Variants in VPS13B observed in about 807,000 individuals in gnomAD.
The protein encoded by VPS13B is intermembrane lipid transfer protein VPS13B.
Under a neutral mutation model 426.4 loss-of-function variants are expected in VPS13B, and 285 were observed. That is an observed-to-expected ratio of 0.67 (90% CI 0.61 to 0.74). The LOEUF (loss-of-function observed/expected upper bound fraction) is 0.74. Among genes scored for constraint, VPS13B ranks in the 30% least tolerant of loss-of-function variants. VPS13B has a pLI of 0.00. For missense variants in VPS13B, 4,537 were observed against 4,782.6 expected (o/e 0.95, Z 1.51); for synonymous variants, 1,676 against 1,676.4 (o/e 1.00, Z 0.01).
At chr8:99,832,277 G>C in intron 51 of VPS13B, 92 bp from the exon 52 acceptor site, 3 of 1,398,956 alleles carry the variant, frequency 2.1e-6, no homozygotes, top group Non-Finnish European at 2.8e-6. Flanking sequence ...AAAAAGAAAA[G>C]AAAAGAAGAT....
At chr8:99,678,410 G>C (rs1201764414) in intron 35 of VPS13B, among the ~76,000 whole-genome samples, 1 of 151,826 alleles carries the variant, frequency 6.6e-6, no homozygotes, top group Non-Finnish European at 1.5e-5. Context: ...TGTCTTCTAT[G>C]CCCTTACTAG....
Position 99,606,454 on chromosome 8 carries a change from C to T in VPS13B, c.5220+28821C>T, listed in dbSNP as rs1588543337. 6.2e-5 allele frequency among the ~76,000 whole-genome samples: 8 copies of T among 130,008 alleles called. No individual in the cohort carries two copies. In the Admixed American group the frequency reaches 7.8e-4, roughly 13 times the overall value. 85.3% of individuals were successfully genotyped at this position (130,008 alleles called of 152,430 possible). The stretch of plus-strand genomic sequence containing the variant: ...CTAAGGCTGAAGGATCACTTAAGCT[C>T]AGGAATTCAAGAGCAGCCCAGACAA... On this transcript the variant is annotated intron_variant, in intron 33 of 61. Coordinates refer to ENST00000357162, the MANE Select transcript of VPS13B (RefSeq NM_152564.5).
At chr8:99,177,283 C>G (rs551563479) in intron 16 of VPS13B, among the ~76,000 whole-genome samples, 1 of 152,212 alleles carries the variant, frequency 6.6e-6, no homozygotes, top group African/African-American at 2.4e-5. Flanking sequence ...AAATAAATTT[C>G]TTGGAAAGAC....
At chr8:99,367,684 C>A (rs1480154691) in intron 19 of VPS13B, among the ~76,000 whole-genome samples, 1 of 152,140 alleles carries the variant, frequency 6.6e-6, no homozygotes, top group Non-Finnish European at 1.5e-5. Context: ...GTGCTTTACT[C>A]TTCTCTTTTT....
At chr8:99,099,703 T>C (rs1400132855) in intron 4 of VPS13B, among the ~76,000 whole-genome samples, 10 of 152,006 alleles carry the variant, frequency 6.6e-5, no homozygotes, top group Non-Finnish European at 2.9e-5. Flanking sequence ...CAGAGGAAAA[T>C]TATACTGCAC....
At chr8:99,438,034 CTTTT>C (rs746500253) in intron 22 of VPS13B, among the ~76,000 whole-genome samples, 3 of 120,584 alleles carry the variant, frequency 2.5e-5, no homozygotes, top group African/African-American at 6.2e-5. Context: ...TTCTTTTCCT[CTTTT>C]TTTTTTTTTT....
chr8:99,456,027 C>T (rs1818438051), intron 23 of VPS13B, among the ~76,000 whole-genome samples: 4 of 152,134 alleles, frequency 2.6e-5, no homozygotes, highest in Admixed American at 6.5e-5. Flanking sequence ...GTTCAAGAAA[C>T]TCCCAAATCA....
In VPS13B at chr8:99,044,509, AT is replaced by A. The variant is rs1587955670; in HGVS notation, c.291+5946del. Among the ~76,000 whole-genome samples the A allele has an allele frequency of 7.3e-5, 11 of 151,052 alleles. No homozygotes were observed. In the East Asian group the frequency reaches 2.1e-3, roughly 29 times the overall value. On this transcript the variant is annotated intron_variant, in intron 3 of 61. Transcript: ENST00000357162. ...GTTTATTTATCTTTTAAATTTTTTT[AT>A]TTCTATAGGTTATTGGGGAACAGGT...
chr8:99,844,897 T>G (rs577005809), intron 54 of VPS13B, among the ~76,000 whole-genome samples: 1 of 152,308 alleles, frequency 6.6e-6, no homozygotes, highest in South Asian at 2.1e-4. Context: ...TGAGCTCATC[T>G]CTTCATAAAA....
In VPS13B at chr8:99,642,476, G is replaced by A; in HGVS notation, c.5886G>A (p.Val1962=). Residue 1962 remains valine (V), a synonymous_variant, in exon 34 of 62, where the codon GTG becomes GTA. Transcript: ENST00000357162. ...VSIFDAVLKG[V]ASDYKCIDPG... ...TTTTTGATGCTGTGCTTAAAGGGGT[G>A]GCCTCTGATTACAAATGTATAGGTA... 6.2e-7 allele frequency: 1 copy of A among 1,613,442 alleles called. No homozygotes were observed. The highest frequency in any genetic ancestry group is 8.5e-7 in the Non-Finnish European group (1 of 1,179,906).
intron 19 of VPS13B, among the ~76,000 whole-genome samples, chr8:99,369,011 A>G (rs557503189): frequency 5.3e-5 from 8 of 152,318 alleles, no homozygotes; most frequent in African/African-American, 1.9e-4. Flanking sequence ...TATGATTGGC[A>G]GAATCCTTCT....
At chr8:99,217,454 T>G (rs1815448919) in intron 17 of VPS13B, among the ~76,000 whole-genome samples, 1 of 152,202 alleles carries the variant, frequency 6.6e-6, no homozygotes, top group Non-Finnish European at 1.5e-5. Flanking sequence ...ATAATTTACT[T>G]TCAGAGCTCT....
At chr8:99,120,874 TG>T (rs1216618411) in intron 7 of VPS13B, among the ~76,000 whole-genome samples, 1 of 152,220 alleles carries the variant, frequency 6.6e-6, no homozygotes, top group Non-Finnish European at 1.5e-5. Flanking sequence ...TCATGAGCGA[TG>T]TTAAAGAATT....
chr8:99,706,509 C>A (rs937520914), intron 36 of VPS13B, among the ~76,000 whole-genome samples: 1 of 152,174 alleles, frequency 6.6e-6, no homozygotes, highest in Non-Finnish European at 1.5e-5. Flanking sequence ...CTGAGCCCTT[C>A]TAATGAGAAA....
chr8:99,504,183 T>C (rs577740149), intron 27 of VPS13B, among the ~76,000 whole-genome samples: 2 of 152,264 alleles, frequency 1.3e-5, no homozygotes, highest in South Asian at 2.1e-4. Context: ...ATCTCCCTGC[T>C]CTCTCTTGCT....
At chr8:99,087,428 G>A (rs556130297) in intron 3 of VPS13B, among the ~76,000 whole-genome samples, 1 of 152,152 alleles carries the variant, frequency 6.6e-6, no homozygotes, top group African/African-American at 2.4e-5. Context: ...GCCTCACCCT[G>A]CTTCGGCCCA....
chr8:99,821,597 A>C, intron 50 of VPS13B, 115 bp downstream of exon 50: 1 of 1,231,068 alleles, frequency 8.1e-7, no homozygotes, highest in Non-Finnish European at 1.2e-6. Context: ...CTTCTAAACA[A>C]TTTATAACAG....
intron 23 of VPS13B, among the ~76,000 whole-genome samples, chr8:99,449,275 A>C (rs190813722): frequency 3.0e-4 from 45 of 152,336 alleles, no homozygotes; most frequent in Non-Finnish European, 2.6e-4. Context: ...ATGTCAATAT[A>C]CATTATTTAC....
At chr8:99,188,756 C>T (rs931939969) in intron 16 of VPS13B, among the ~76,000 whole-genome samples, 2 of 152,220 alleles carry the variant, frequency 1.3e-5, no homozygotes, top group Admixed American at 6.5e-5. Flanking sequence ...TTTAAAATTA[C>T]ATCCCTTCTG....
Sources: allele counts gnomAD v4.1 joint callset (sites outside exome capture counted in the v4.1 genomes callset), GRCh38; gene constraint gnomAD v4.1.1; transcripts MANE v1.5; gene names NCBI Gene and HGNC (gene_info 2026-07-23, HGNC 2026-07-21).